Variants in YAP1 observed in about 807,000 individuals in gnomAD.
The protein encoded by YAP1 is transcriptional coactivator YAP1.
Under a neutral mutation model 56.9 loss-of-function variants are expected in YAP1, and 5 were observed. The observed-to-expected ratio is 0.09, with a 90% CI of 0.05 to 0.18. The LOEUF is 0.18. YAP1 is among the 10% of genes least tolerant of loss of function. The probability of loss-of-function intolerance (pLI) is 1.00; values close to 1 mark genes in which losing one functional copy is unlikely to be tolerated. For missense variants in YAP1, 539 were observed against 651.8 expected (o/e 0.83, Z 1.88); for synonymous variants, 265 against 248.1 (o/e 1.07, Z -0.64).
chr11:102,119,957 T>C (rs1323232040), intron 2 of YAP1, among the ~76,000 whole-genome samples: 2 of 152,210 alleles, frequency 1.3e-5, no homozygotes. Context: ...AGCCATTAAT[T>C]GTGGCTTGAA....
intron 2 of YAP1, among the ~76,000 whole-genome samples, chr11:102,138,033 G>A (rs989906222): frequency 9.9e-5 from 15 of 152,154 alleles, no homozygotes; most frequent in Middle Eastern, 3.4e-3. Flanking sequence ...GATTACAGGC[G>A]CGTGCCACCA....
intron 3 of YAP1, among the ~76,000 whole-genome samples, chr11:102,177,809 AGTATTGACCCT>A (rs1947351145): frequency 1.3e-5 from 2 of 152,182 alleles, no homozygotes; most frequent in Non-Finnish European, 2.9e-5. Context: ...GAGAAAGACT[AGTATTGACCCT>A]GTGAGAGGCA....
chr11:102,111,025 G>C lies in YAP1; in HGVS notation c.177G>C (p.Gly59=), dbSNP rs1038642988. The change falls in exon 1 of 9, where the codon GGG becomes GGC. Residue 59 remains glycine (G), a synonymous_variant. Coordinates refer to ENST00000282441, the MANE Select transcript of YAP1 (RefSeq NM_001130145.3). The part of the protein sequence containing the change: ...PAGHQIVHVR[G]DSETDLEALF... ...GGCATCAGATCGTGCACGTCCGCGG[G>C]GACTCGGAGACCGACCTGGAGGCGC... 1.2e-6 allele frequency: 2 copies of C among 1,609,506 alleles called. No individual in the cohort carries two copies. The highest frequency in any genetic ancestry group is 1.7e-6 in the Non-Finnish European group (2 of 1,178,452).
intron 6 of YAP1, among the ~76,000 whole-genome samples, chr11:102,218,314 A>G (rs983806218): frequency 2.6e-5 from 4 of 152,208 alleles, no homozygotes; most frequent in African/African-American, 9.6e-5. Flanking sequence ...CATATAACCT[A>G]CACACATCCT....
At chr11:102,139,907 C>G (rs1047558895) in intron 2 of YAP1, among the ~76,000 whole-genome samples, 1 of 151,684 alleles carries the variant, frequency 6.6e-6, no homozygotes, top group Non-Finnish European at 1.5e-5. Flanking sequence ...ATGAAAATAG[C>G]CTAATTGTGT....
In YAP1 at chr11:102,186,113, A is replaced by C; in HGVS notation, c.784A>C (p.Arg262=). Residue 262 remains arginine (R), a synonymous_variant, in exon 4 of 9, where the codon AGG becomes CGG. Coordinates refer to ENST00000282441, the MANE Select transcript of YAP1 (RefSeq NM_001130145.3). ...CAAGACCACCTCTTGGCTAGACCCA[A>C]GGCTTGACCCTCGTTTTGGTAAAGG... The part of the protein sequence containing the change: ...KNKTTSWLDP[R]LDPRFAMNQR... 1.2e-6 allele frequency: 2 copies of C among 1,612,660 alleles called. No individual in the cohort carries two copies. The highest frequency in any genetic ancestry group is 1.7e-6 in the Non-Finnish European group (2 of 1,179,436).
intron 2 of YAP1, among the ~76,000 whole-genome samples, chr11:102,143,923 A>T (rs1169298578): frequency 1.3e-5 from 2 of 152,250 alleles, no homozygotes; most frequent in Non-Finnish European, 2.9e-5. Context: ...AATGATAAGC[A>T]ATAGGAATGA....
intron 3 of YAP1, among the ~76,000 whole-genome samples, chr11:102,176,495 C>G (rs1033236085): frequency 6.6e-6 from 1 of 151,894 alleles, no homozygotes; most frequent in Admixed American, 6.6e-5. Flanking sequence ...CGCCTGTAAT[C>G]CCAGCACTTT....
Position 102,209,508 on chromosome 11 carries a change from T to C in YAP1, c.985-9T>C. ...AGTAATTTTTATCCGTCTTATTTTT[T>C]ACTCTTAGGCAATGCGGAATATCAA... On this transcript the variant is annotated splice_polypyrimidine_tract_variant and intron_variant, in intron 5 of 8. Transcript: ENST00000282441. 1.2e-6 allele frequency: 2 copies of C among 1,604,784 alleles called. No individual in the cohort carries two copies. The highest frequency in any genetic ancestry group is 1.7e-4 in the Middle Eastern group (1 of 6,046).
intron 6 of YAP1, among the ~76,000 whole-genome samples, chr11:102,212,448 A>G (rs1395171057): frequency 1.3e-5 from 2 of 152,226 alleles, no homozygotes; most frequent in African/African-American, 4.8e-5. Flanking sequence ...TAAAATTTTG[A>G]AAAAACTTTA....
At chr11:102,191,682 GTTTC>G (rs1948291450) in intron 4 of YAP1, among the ~76,000 whole-genome samples, 2 of 151,760 alleles carry the variant, frequency 1.3e-5, no homozygotes, top group African/African-American at 2.4e-5. Flanking sequence ...TTCCTTTATT[GTTTC>G]TTTCTTTTTT....
intron 6 of YAP1, among the ~76,000 whole-genome samples, chr11:102,218,323 C>T (rs1565281116): frequency 6.6e-6 from 1 of 152,162 alleles, no homozygotes; most frequent in Non-Finnish European, 1.5e-5. Context: ...TACACACATC[C>T]TCCTGTATAC....
rs150451195 is a variant in YAP1, at chr11:102,169,603, A to C, written c.688+7032A>C. Among the ~76,000 whole-genome samples the C allele has an allele frequency of 1.0e-3, 158 of 152,340 alleles. 1 individual carries two copies. In the East Asian group the frequency reaches 0.026, roughly 25 times the overall value. ...TAGTTACTCTCGGGCTTGTATTCCA[A>C]ATACCTTTTTTAAAAACTTTTAAAA... On this transcript the variant is annotated intron_variant, in intron 3 of 8. Transcript: ENST00000282441.
intron 2 of YAP1, among the ~76,000 whole-genome samples, chr11:102,138,733 T>C (rs1042373261): frequency 2.0e-5 from 3 of 152,248 alleles, no homozygotes; most frequent in Non-Finnish European, 4.4e-5. Flanking sequence ...TTGCTCTTCA[T>C]TGAATGTTTC....
At chr11:102,214,372 G>T (rs1203469226) in intron 6 of YAP1, among the ~76,000 whole-genome samples, 1 of 152,154 alleles carries the variant, frequency 6.6e-6, no homozygotes, top group Non-Finnish European at 1.5e-5. Context: ...TTGCTGATGA[G>T]GATATTATAC....
chr11:102,151,118 A>ACG (rs1945630578), intron 2 of YAP1, among the ~76,000 whole-genome samples: 1 of 151,942 alleles, frequency 6.6e-6, no homozygotes, highest in Non-Finnish European at 1.5e-5. Flanking sequence ...GTCAGCCACC[A>ACG]CGCCTGGCTG....
chr11:102,128,215 T>C (rs977723206), intron 2 of YAP1, among the ~76,000 whole-genome samples: 14 of 152,192 alleles, frequency 9.2e-5, no homozygotes, highest in Non-Finnish European at 2.1e-4. Context: ...CAGCATGATA[T>C]GATTTGGCTG....
chr11:102,122,060 C>T (rs1943688517), intron 2 of YAP1, among the ~76,000 whole-genome samples: 1 of 152,138 alleles, frequency 6.6e-6, no homozygotes, highest in Non-Finnish European at 1.5e-5. Flanking sequence ...AACCACCACA[C>T]CTGGCCAGGC....
intron 2 of YAP1, among the ~76,000 whole-genome samples, chr11:102,145,020 A>G (rs923389120): frequency 6.6e-6 from 1 of 152,006 alleles, no homozygotes; most frequent in Non-Finnish European, 1.5e-5. Flanking sequence ...ATTTGTTTCT[A>G]TATTGTATTT....
Sources: allele counts gnomAD v4.1 joint callset (sites outside exome capture counted in the v4.1 genomes callset), GRCh38; gene constraint gnomAD v4.1.1; transcripts MANE v1.5; gene names NCBI Gene and HGNC (gene_info 2026-07-23, HGNC 2026-07-21).